EIF4G3: variants seen among roughly 807,000 people sequenced by gnomAD.
EIF4G3 encodes eIF-4-gamma 3.
Under a neutral mutation model 186.4 loss-of-function variants are expected in EIF4G3, and 34 were observed. The observed-to-expected ratio is 0.18, with a 90% CI of 0.14 to 0.24. The LOEUF is 0.24. Among genes scored for constraint, EIF4G3 ranks in the 10% least tolerant of loss-of-function variants. The pLI, the probability that EIF4G3 is intolerant of heterozygous loss-of-function variation, is 1.00. For synonymous variants in EIF4G3, 673 were observed against 679.5 expected (o/e 0.99, Z 0.15); for missense variants, 1,536 against 1,948.5 (o/e 0.79, Z 3.99).
chr1:21,090,094 A>T (rs2096135005), intron 2 of EIF4G3, among the ~76,000 whole-genome samples: 1 of 152,218 alleles, frequency 6.6e-6, no homozygotes, highest in Non-Finnish European at 1.5e-5. Flanking sequence ...ACAGTAGTAC[A>T]TCCACTTGAT....
Position 20,817,689 on chromosome 1 carries a change from T to G in EIF4G3, c.4369-151A>C, listed in dbSNP as rs2061412277. ...GCTATTTTATGTTTGTAGTTTTTTTTTTTTTTTTTTTTTTGAGACAGGGTC... is the reference window on the plus strand; with the variant it reads ...GCTATTTTATGTTTGTAGTTTTTTTGTTTTTTTTTTTTTTGAGACAGGGTC... On this transcript the variant is annotated intron_variant, in intron 33 of 36. Transcript: ENST00000602326. 2.3e-5 allele frequency: 10 copies of G among 441,932 alleles called. No individual in the cohort carries two copies. In the Admixed American group the frequency reaches 4.5e-4, roughly 20 times the overall value. The allele number at this position is 441,932 out of a possible 1,614,324, so 27.4% of individuals were successfully genotyped here.
At chr1:20,891,461 AAAT>A (rs2085998629) in intron 18 of EIF4G3, among the ~76,000 whole-genome samples, 1 of 151,744 alleles carries the variant, frequency 6.6e-6, no homozygotes, top group South Asian at 2.1e-4. Context: ...TTAAAAAGGG[AAAT>A]AATACTGAAA....
At chr1:21,129,059 A>G (rs1435832710) in intron 2 of EIF4G3, among the ~76,000 whole-genome samples, 1 of 152,160 alleles carries the variant, frequency 6.6e-6, no homozygotes, top group Non-Finnish European at 1.5e-5. Flanking sequence ...TCATGCCTGT[A>G]ATCCCACAAT....
intron 2 of EIF4G3, among the ~76,000 whole-genome samples, chr1:21,164,910 G>T (rs1157856941): frequency 6.6e-6 from 1 of 152,042 alleles, no homozygotes; most frequent in African/African-American, 2.4e-5. Flanking sequence ...TGCAACTCCT[G>T]TATCTGTTAA....
intron 9 of EIF4G3, 37 bp downstream of exon 9, chr1:20,981,011 C>G: frequency 6.9e-7 from 1 of 1,457,350 alleles, no homozygotes; most frequent in Non-Finnish European, 9.2e-7. Flanking sequence ...AATTTCCACT[C>G]TATTGCTGGA....
At chr1:20,973,232 T>A in intron 10 of EIF4G3, 133 bp from the exon 11 acceptor site, 2 of 620,800 alleles carry the variant, frequency 3.2e-6, no homozygotes, top group Non-Finnish European at 5.5e-6. Flanking sequence ...CTTCATCATC[T>A]TTTTCCACTA....
chr1:20,973,177 C>T, intron 10 of EIF4G3, 78 bp from the exon 11 acceptor site: 1 of 1,029,334 alleles, frequency 9.7e-7, no homozygotes, highest in Non-Finnish European at 1.5e-6. Context: ...CACTGTGTCT[C>T]TGCACAATCC....
chr1:20,980,411 TG>T lies in EIF4G3; in HGVS notation c.415del (p.Gln139AsnfsTer43). ...CCCCGGTGGTTGAACTGGATATTGT[TG>T]GGGGGGCCCAACATAAGGAGGGCCA... ...HSGPPYVGPP[Q>X]QYPVQPPGPG... On this transcript the variant is annotated frameshift_variant, in exon 10 of 37. Transcript: ENST00000602326. LOFTEE classifies it high-confidence loss of function. The T allele has an allele frequency of 1.9e-6, 3 of 1,543,420 alleles. No homozygotes were observed. The highest frequency in any genetic ancestry group is 2.5e-5 in the East Asian group (1 of 39,252).
intron 13 of EIF4G3, among the ~76,000 whole-genome samples, chr1:20,945,654 CAG>C (rs1194238250): frequency 6.6e-6 from 1 of 152,072 alleles, no homozygotes; most frequent in Non-Finnish European, 1.5e-5. Context: ...TTTGTAGAGA[CAG>C]GGTATCGCTA....
chr1:21,122,082 T>TC (rs2096935491), intron 2 of EIF4G3, among the ~76,000 whole-genome samples: 1 of 152,052 alleles, frequency 6.6e-6, no homozygotes, highest in Non-Finnish European at 1.5e-5. Context: ...TGAGCTCCAG[T>TC]CCCAACAAAG....
intron 19 of EIF4G3, among the ~76,000 whole-genome samples, chr1:20,880,292 T>A (rs1428532904): frequency 2.0e-5 from 3 of 152,204 alleles, no homozygotes; most frequent in African/African-American, 7.2e-5. Flanking sequence ...TAGACAATCA[T>A]AAGGAATCTG....
chr1:21,012,625 T>C (rs907115153), intron 4 of EIF4G3, among the ~76,000 whole-genome samples: 6 of 151,952 alleles, frequency 3.9e-5, no homozygotes, highest in Non-Finnish European at 8.8e-5. Flanking sequence ...CAGAAGCCAA[T>C]AGGATTCACA....
At chr1:21,129,655 A>T (rs1230541146) in intron 2 of EIF4G3, among the ~76,000 whole-genome samples, 1 of 152,122 alleles carries the variant, frequency 6.6e-6, no homozygotes, top group Non-Finnish European at 1.5e-5. Flanking sequence ...TAGAGAAAGC[A>T]GCAAACCCTT....
rs193114743 is a variant in EIF4G3, at chr1:21,017,461, T to C, written c.-66-14653A>G. On this transcript the variant is annotated intron_variant, in intron 4 of 36. Coordinates refer to ENST00000602326, the MANE Select transcript of EIF4G3 (RefSeq NM_001391906.1). ...GGCCAACATGGCAAAACTCCGTCTCTACTAAAAATGCAAAAAATTAGCTGG... is the reference window on the plus strand; with the variant it reads ...GGCCAACATGGCAAAACTCCGTCTCCACTAAAAATGCAAAAAATTAGCTGG... Among the ~76,000 whole-genome samples the C allele has an allele frequency of 7.7e-3, 1,170 of 151,894 alleles. 10 individuals are homozygous for C. The highest frequency in any genetic ancestry group is 0.029 in the South Asian group (139 of 4,808).
At chr1:20,901,555 T>C (rs2090302084) in intron 15 of EIF4G3, among the ~76,000 whole-genome samples, 1 of 152,136 alleles carries the variant, frequency 6.6e-6, no homozygotes, top group Non-Finnish European at 1.5e-5. Flanking sequence ...AACAACAGTC[T>C]ATCATATATA....
At chr1:20,896,245 C>T (rs56120174) in intron 16 of EIF4G3, among the ~76,000 whole-genome samples, 15,874 of 151,632 alleles carry the variant, frequency 0.1, 1,142 homozygotes, top group East Asian at 0.32. Context: ...CCAGCCTGGG[C>T]GATGTAGTAA....
intron 13 of EIF4G3, among the ~76,000 whole-genome samples, chr1:20,944,347 T>C (rs540486779): frequency 6.6e-6 from 1 of 151,932 alleles, no homozygotes; most frequent in Non-Finnish European, 1.5e-5. Context: ...AGACCTTTTG[T>C]CTACAAAAAA....
chr1:21,056,915 T>C (rs1427442179), intron 3 of EIF4G3, among the ~76,000 whole-genome samples: 1 of 152,244 alleles, frequency 6.6e-6, no homozygotes, highest in Non-Finnish European at 1.5e-5. Context: ...ACATCAACCA[T>C]TTCTTGTAGT....
rs542651275 is a variant in EIF4G3, at chr1:21,033,477, C to T, written c.-67+17389G>A. On this transcript the variant is annotated intron_variant, in intron 4 of 36. Transcript: ENST00000602326. The stretch of plus-strand genomic sequence containing the variant: ...AACTTAAAAAAAAAAAAGTTAAATA[C>T]GCCAAAGCTACTGCAACAAAAGACA... Among the ~76,000 whole-genome samples, 61 of 151,840 alleles carry T rather than the reference C, an allele frequency of 4.0e-4. No homozygotes were observed. The South Asian group carries it at 0.011, about 27-fold the overall frequency.
Sources: gnomAD v4.1 joint callset for allele counts (sites outside exome capture counted in the v4.1 genomes callset) on GRCh38, gnomAD v4.1.1 for gene constraint, MANE v1.5 for transcripts, NCBI Gene and HGNC (gene_info 2026-07-23, HGNC 2026-07-21) for gene names.